EBF1: variants seen among roughly 807,000 people sequenced by gnomAD.
EBF1 encodes the protein EBF transcription factor 1, also known as transcription factor COE1.
A neutral mutation model predicts 68.4 loss-of-function variants in EBF1; 10 were observed. The observed-to-expected ratio is 0.15, with a 90% CI of 0.09 to 0.25. The LOEUF is 0.25. Ranked by LOEUF, EBF1 falls within the 10% of genes least tolerant of loss-of-function variation. The probability of loss-of-function intolerance (pLI) is 1.00; values close to 1 mark genes in which losing one functional copy is unlikely to be tolerated. For missense variants in EBF1, 509 were observed against 794.4 expected (o/e 0.64, Z 4.32); for synonymous variants, 298 against 299.8 (o/e 0.99, Z 0.06).
intron 11 of EBF1, among the ~76,000 whole-genome samples, chr5:158,721,041 A>G (rs1271633921): frequency 6.6e-6 from 1 of 152,202 alleles, no homozygotes; most frequent in Non-Finnish European, 1.5e-5. Flanking sequence ...TTTCCAGAAC[A>G]AAGGAATTAA....
chr5:158,705,230 C>T (rs557208353), intron 15 of EBF1, among the ~76,000 whole-genome samples: 2 of 152,318 alleles, frequency 1.3e-5, no homozygotes, highest in South Asian at 4.1e-4. Context: ...ATCCACCTGC[C>T]TCAGCCTCCC....
chr5:159,025,136 G>A (rs1403075327), intron 6 of EBF1, among the ~76,000 whole-genome samples: 3 of 152,196 alleles, frequency 2.0e-5, no homozygotes, highest in African/African-American at 7.2e-5. Flanking sequence ...CACACAAAAG[G>A]TATCTATCTG....
chr5:158,856,368 T>A (rs182141286), intron 6 of EBF1, among the ~76,000 whole-genome samples: 1 of 152,336 alleles, frequency 6.6e-6, no homozygotes, highest in East Asian at 1.9e-4. Flanking sequence ...AAGATAATGA[T>A]GATAAATTGT....
chr5:158,711,009 T>A (rs1759126072), intron 14 of EBF1, among the ~76,000 whole-genome samples: 1 of 152,224 alleles, frequency 6.6e-6, no homozygotes, highest in Non-Finnish European at 1.5e-5. Context: ...TCTCTGAGGT[T>A]CTTTAGAAGC....
chr5:158,776,796 G>A (rs114970401), intron 10 of EBF1, among the ~76,000 whole-genome samples: 3 of 152,290 alleles, frequency 2.0e-5, no homozygotes, highest in Admixed American at 1.3e-4. Context: ...ATCTCTTAGC[G>A]TACACATTGG....
rs116555563 is a variant in EBF1, at chr5:159,076,201, C to T, written c.486-2737G>A. 8.5e-3 allele frequency among the ~76,000 whole-genome samples: 1,293 copies of T among 152,196 alleles called. 7 individuals are homozygous for T. Among genetic ancestry groups the T allele is most frequent in the Non-Finnish European group, 0.012 (829 of 68,012 alleles). ...TCAATTTTACTTACCTAATGAGTGG[C>T]ATAAGGCCTGGGGTAGAATAGAAAA... On this transcript the variant is annotated intron_variant, in intron 5 of 15. Transcript: ENST00000313708.
At chr5:159,016,035 T>C (rs1259108585) in intron 6 of EBF1, among the ~76,000 whole-genome samples, 6 of 152,210 alleles carry the variant, frequency 3.9e-5, no homozygotes, top group African/African-American at 1.4e-4. Context: ...TTAAGAAAAT[T>C]GTTAAATCCT....
intron 7 of EBF1, among the ~76,000 whole-genome samples, chr5:158,835,385 A>G (rs1044842992): frequency 2.6e-5 from 4 of 152,138 alleles, no homozygotes; most frequent in African/African-American, 9.7e-5. Context: ...TGTTTTTCTA[A>G]AGTCCCTGCA....
intron 6 of EBF1, among the ~76,000 whole-genome samples, chr5:159,063,706 G>A (rs2127888129): frequency 6.6e-6 from 1 of 152,314 alleles, no homozygotes; most frequent in East Asian, 1.9e-4. Flanking sequence ...TAGCTACCAT[G>A]ATTAACTTCA....
At chr5:158,922,043 G>A (rs899167160) in intron 6 of EBF1, among the ~76,000 whole-genome samples, 3 of 152,208 alleles carry the variant, frequency 2.0e-5, no homozygotes, top group Admixed American at 6.5e-5. Context: ...TCAGAGCAGT[G>A]CTCTTAGTTG....
chr5:158,956,027 AATGT>A (rs1201823361), intron 6 of EBF1, among the ~76,000 whole-genome samples: 24 of 100,136 alleles, frequency 2.4e-4, no homozygotes, highest in African/African-American at 8.5e-4. Context: ...AATAAATATA[AATGT>A]GTGTGTGTGT....
intron 10 of EBF1, among the ~76,000 whole-genome samples, chr5:158,746,052 T>G (rs1005391184): frequency 6.6e-6 from 1 of 152,212 alleles, no homozygotes; most frequent in Non-Finnish European, 1.5e-5. Flanking sequence ...TAAGTTTTTA[T>G]TACTACTGCT....
chr5:159,021,029 A>G (rs796179304), intron 6 of EBF1, among the ~76,000 whole-genome samples: 22 of 152,328 alleles, frequency 1.4e-4, no homozygotes, highest in African/African-American at 5.1e-4. Flanking sequence ...GGTGTGTTTC[A>G]GTCTTCTCTC....
intron 6 of EBF1, among the ~76,000 whole-genome samples, chr5:158,939,626 T>C (rs1812801633): frequency 6.6e-6 from 1 of 152,146 alleles, no homozygotes; most frequent in Non-Finnish European, 1.5e-5. Context: ...CTTTGCTCTG[T>C]GGTATGATTT....
At chr5:158,943,773 C>T (rs1814025172) in intron 6 of EBF1, among the ~76,000 whole-genome samples, 1 of 152,130 alleles carries the variant, frequency 6.6e-6, no homozygotes, top group African/African-American at 2.4e-5. Flanking sequence ...GCGCCAGGGA[C>T]CCTGAAATGG....
At chr5:159,031,382 G>A (rs761896006) in intron 6 of EBF1, among the ~76,000 whole-genome samples, 1 of 152,170 alleles carries the variant, frequency 6.6e-6, no homozygotes, top group South Asian at 2.1e-4. Context: ...CTGGACATTT[G>A]GGGGAAGCAG....
chr5:159,069,226 C>G (rs1352946089), intron 6 of EBF1, among the ~76,000 whole-genome samples: 2 of 144,074 alleles, frequency 1.4e-5, no homozygotes, highest in Non-Finnish European at 3.0e-5. Context: ...AAAAAAAAAT[C>G]CACTTGTTAA....
Position 159,099,524 on chromosome 5 carries a change from A to T in EBF1, c.-46T>A, listed in dbSNP as rs772142761. 2 of 1,340,420 alleles carry T rather than the reference A, an allele frequency of 1.5e-6. No homozygotes were observed. Among genetic ancestry groups the T allele is most frequent in the Non-Finnish European group, 1.9e-6 (2 of 1,046,068 alleles). The allele number at this position is 1,340,420 out of a possible 1,614,324, so 83.0% of individuals were successfully genotyped here. On this transcript the variant is annotated 5_prime_UTR_variant, in exon 1 of 16. Transcript: ENST00000313708. ...GAAAATCTCCTCCCCCTTGAAAAAAATTAAAAAAAAAAAAAAAGGAAAGAA... is the reference window on the plus strand; with the variant it reads ...GAAAATCTCCTCCCCCTTGAAAAAATTTAAAAAAAAAAAAAAAGGAAAGAA...
At chr5:158,916,879 A>G (rs7381109) in intron 6 of EBF1, among the ~76,000 whole-genome samples, 8,322 of 152,214 alleles carry the variant, frequency 0.055, 293 homozygotes, top group Non-Finnish European at 0.071. Flanking sequence ...CTCCCCTTCC[A>G]TGCAATAAGC....
Sources: gnomAD v4.1 joint callset for allele counts (sites outside exome capture counted in the v4.1 genomes callset) on GRCh38, gnomAD v4.1.1 for gene constraint, MANE v1.5 for transcripts, NCBI Gene and HGNC (gene_info 2026-07-23, HGNC 2026-07-21) for gene names.